SDK1: variants seen among roughly 807,000 people sequenced by gnomAD.
SDK1 encodes the protein protein sidekick-1.
Under a neutral mutation model 245.5 loss-of-function variants are expected in SDK1, and 157 were observed. That is an observed-to-expected ratio of 0.64 (90% CI 0.56 to 0.73). The LOEUF (loss-of-function observed/expected upper bound fraction) is 0.73. SDK1 is among the 30% of genes least tolerant of loss of function. SDK1 has a pLI of 0.00. For missense variants in SDK1, 3,583 were observed against 3,002.3 expected (o/e 1.19, Z -4.52); for synonymous variants, 1,647 against 1,278.5 (o/e 1.29, Z -6.15).
chr7:4,200,850 G>T (rs1332600794), intron 35 of SDK1, among the ~76,000 whole-genome samples: 1 of 152,232 alleles, frequency 6.6e-6, no homozygotes, highest in South Asian at 2.1e-4. Flanking sequence ...CAGCTCAGGG[G>T]CCAAATCCAG....
chr7:3,421,229 G>T (rs1020538926), intron 1 of SDK1, among the ~76,000 whole-genome samples: 2 of 151,564 alleles, frequency 1.3e-5, no homozygotes, highest in Admixed American at 1.3e-4. Context: ...GTGCCACCAC[G>T]CCCAGCTAAT....
chr7:4,098,497 C>A lies in SDK1; in HGVS notation c.3325-12166C>A, dbSNP rs549096506. On this transcript the variant is annotated intron_variant, in intron 22 of 44. Coordinates refer to ENST00000404826, the MANE Select transcript of SDK1 (RefSeq NM_152744.4). ...TATTTCTTTCCTTCATTCGCCCATT[C>A]ACCCAGCAGACACTTATTAAGCACC... Among the ~76,000 whole-genome samples, 7 of 152,224 alleles carry A rather than the reference C, an allele frequency of 4.6e-5. No homozygotes were observed. The East Asian group carries it at 1.3e-3, about 29-fold the overall frequency.
chr7:3,899,126 T>C (rs940560708), intron 5 of SDK1, among the ~76,000 whole-genome samples: 1 of 152,222 alleles, frequency 6.6e-6, no homozygotes. Context: ...CTGGTGACTT[T>C]AAGTGAAACA....
At chr7:3,787,306 C>T (rs773063473) in intron 4 of SDK1, among the ~76,000 whole-genome samples, 1 of 152,026 alleles carries the variant, frequency 6.6e-6, no homozygotes, top group Non-Finnish European at 1.5e-5. Flanking sequence ...TTTTTCTATA[C>T]ATAAGCATCT....
chr7:3,864,242 A>C (rs908690940), intron 5 of SDK1, among the ~76,000 whole-genome samples: 1 of 152,172 alleles, frequency 6.6e-6, no homozygotes, highest in South Asian at 2.1e-4. Flanking sequence ...GTTTATGTCA[A>C]TTTGGGCAGG....
intron 4 of SDK1, among the ~76,000 whole-genome samples, chr7:3,794,294 C>G (rs1373513622): frequency 6.6e-6 from 1 of 152,012 alleles, no homozygotes; most frequent in Non-Finnish European, 1.5e-5. Flanking sequence ...CCTGAACTTG[C>G]TATTTAACAT....
chr7:3,583,727 C>T (rs922291952), intron 1 of SDK1, among the ~76,000 whole-genome samples: 1 of 152,034 alleles, frequency 6.6e-6, no homozygotes, highest in South Asian at 2.1e-4. Flanking sequence ...TGGCATGCCA[C>T]AGAAGGCATT....
At chr7:3,614,519 A>G (rs2128643290) in intron 1 of SDK1, among the ~76,000 whole-genome samples, 1 of 152,292 alleles carries the variant, frequency 6.6e-6, no homozygotes, top group Admixed American at 6.5e-5. Flanking sequence ...TCATTTCAGG[A>G]TGTTCTCTTT....
intron 40 of SDK1, among the ~76,000 whole-genome samples, chr7:4,231,870 C>T (rs767728046): frequency 2.0e-5 from 3 of 152,044 alleles, no homozygotes; most frequent in Admixed American, 6.6e-5. Context: ...GGTTGGTTTC[C>T]GGAGCAGTCT....
chr7:3,966,258 C>T (rs1782073190), intron 9 of SDK1, among the ~76,000 whole-genome samples: 1 of 152,112 alleles, frequency 6.6e-6, no homozygotes, highest in Non-Finnish European at 1.5e-5. Flanking sequence ...TGCCATGGTC[C>T]ATGGGATTCT....
intron 1 of SDK1, among the ~76,000 whole-genome samples, chr7:3,376,053 T>A (rs575362706): frequency 6.6e-6 from 1 of 152,278 alleles, no homozygotes; most frequent in East Asian, 1.9e-4. Context: ...CCAGATGTGC[T>A]GGGCATGGTA....
chr7:3,773,866 T>A (rs908130155), intron 4 of SDK1, among the ~76,000 whole-genome samples: 2 of 152,218 alleles, frequency 1.3e-5, no homozygotes, highest in African/African-American at 2.4e-5. Context: ...AATATCCTAA[T>A]CTTCAATGTC....
chr7:3,873,816 C>G (rs890786245), intron 5 of SDK1, among the ~76,000 whole-genome samples: 2 of 152,068 alleles, frequency 1.3e-5, no homozygotes, highest in South Asian at 2.1e-4. Flanking sequence ...TTTATAGTTT[C>G]CATTTTTGTG....
chr7:3,579,466 A>G (rs1443641656), intron 1 of SDK1, among the ~76,000 whole-genome samples: 1 of 152,248 alleles, frequency 6.6e-6, no homozygotes, highest in South Asian at 2.1e-4. Flanking sequence ...CTTTTGATAA[A>G]ATTCAGTATC....
chr7:3,642,164 A>G (rs939704733), intron 4 of SDK1, 59 bp downstream of exon 4: 13 of 1,529,794 alleles, frequency 8.5e-6, no homozygotes, highest in Middle Eastern at 1.7e-4. Flanking sequence ...TGCTGGCACC[A>G]TCTACACAGT....
At chr7:4,199,722 C>G (rs1004159251) in intron 35 of SDK1, among the ~76,000 whole-genome samples, 3 of 152,174 alleles carry the variant, frequency 2.0e-5, no homozygotes, top group Non-Finnish European at 4.4e-5. Context: ...GCTGCCACAC[C>G]TGTGCTGCTC....
chr7:3,393,051 A>T (rs777037525), intron 1 of SDK1, among the ~76,000 whole-genome samples: 3 of 139,858 alleles, frequency 2.1e-5, no homozygotes, highest in Non-Finnish European at 4.5e-5. Context: ...GCTCACTGCA[A>T]TCTCCGCCTC....
chr7:3,430,160 C>G (rs1779796743), intron 1 of SDK1, among the ~76,000 whole-genome samples: 2 of 152,158 alleles, frequency 1.3e-5, no homozygotes, highest in African/African-American at 4.8e-5. Context: ...CATCTGCCTT[C>G]ATCTCCGCAT....
At chr7:4,174,142 C>T (rs1782024351) in intron 32 of SDK1, 80 bp from the exon 33 acceptor site, 3 of 1,492,700 alleles carry the variant, frequency 2.0e-6, no homozygotes, top group Non-Finnish European at 2.8e-6. Context: ...GCTAGTTAAA[C>T]AGGGGTGGAG....
Sources: allele counts gnomAD v4.1 joint callset (sites outside exome capture counted in the v4.1 genomes callset), GRCh38; gene constraint gnomAD v4.1.1; transcripts MANE v1.5; gene names NCBI Gene and HGNC (gene_info 2026-07-23, HGNC 2026-07-21).